Variants in TENM2 observed in about 807,000 individuals in gnomAD.
TENM2 encodes the protein teneurin-2.
In TENM2, 52 loss-of-function variants were observed where a neutral mutation model predicts 245.2. That is an observed-to-expected ratio of 0.21 (90% CI 0.17 to 0.27). TENM2 has a LOEUF of 0.27. TENM2 is among the 10% of genes least tolerant of loss of function. The pLI is 1.00. For missense variants in TENM2, 3,046 were observed against 3,666.8 expected (o/e 0.83, Z 4.37); for synonymous variants, 1,363 against 1,438.9 (o/e 0.95, Z 1.19).
At chr5:167,114,226 T>C in the TENM2 span, among the ~76,000 whole-genome samples, 2 of 152,214 alleles carry the variant, frequency 1.3e-5, no homozygotes, top group Non-Finnish European at 2.9e-5. Context: ...AGTATATATA[T>C]AGTATTGAAC....
chr5:167,892,537 G>T (rs1294356362), intron 3 of TENM2, among the ~76,000 whole-genome samples: 2 of 152,170 alleles, frequency 1.3e-5, no homozygotes, highest in Non-Finnish European at 2.9e-5. Flanking sequence ...GAATGGCATG[G>T]CATATGCCAT....
intron 2 of TENM2, among the ~76,000 whole-genome samples, chr5:167,756,219 A>G (rs1290809197): frequency 1.3e-5 from 2 of 152,066 alleles, no homozygotes; most frequent in African/African-American, 2.4e-5. Flanking sequence ...TCCATGTTGT[A>G]TGATATATAT....
intron 2 of TENM2, among the ~76,000 whole-genome samples, chr5:167,469,240 T>C (rs1185132584): frequency 6.6e-6 from 1 of 152,158 alleles, no homozygotes; most frequent in Non-Finnish European, 1.5e-5. Flanking sequence ...TTTTCATGTC[T>C]ATGTAATTAG....
intron 2 of TENM2, among the ~76,000 whole-genome samples, chr5:167,751,392 A>AGATGGCAT (rs1761950404): frequency 6.6e-6 from 1 of 152,238 alleles, no homozygotes; most frequent in Admixed American, 6.5e-5. Context: ...TCACACTGCA[A>AGATGGCAT]GATGGCATGA....
At chr5:167,744,780 T>C (rs1027580523) in intron 2 of TENM2, among the ~76,000 whole-genome samples, 5 of 151,974 alleles carry the variant, frequency 3.3e-5, no homozygotes, top group Non-Finnish European at 7.3e-5. Context: ...GACACTGTTC[T>C]TTCTTTCTGT....
intron 2 of TENM2, among the ~76,000 whole-genome samples, chr5:167,632,739 C>T (rs279392): frequency 0.77 from 116,848 of 151,964 alleles, 45,517 homozygotes; most frequent in Middle Eastern, 0.87. Flanking sequence ...CAGCACAGTA[C>T]CTGGCACAAA....
intron 3 of TENM2, among the ~76,000 whole-genome samples, chr5:167,942,473 G>T (rs1779261854): frequency 6.6e-6 from 1 of 152,094 alleles, no homozygotes; most frequent in Admixed American, 6.5e-5. Context: ...GACTGAAAAG[G>T]CCCTAGAAAT....
At chr5:167,450,975 AT>A (rs536546429) in intron 2 of TENM2, among the ~76,000 whole-genome samples, 72 of 152,204 alleles carry the variant, frequency 4.7e-4, no homozygotes, top group South Asian at 3.5e-3. Context: ...ACAGTCTCTT[AT>A]TTTTTTATCA....
intron 6 of TENM2, among the ~76,000 whole-genome samples, chr5:168,059,763 C>T (rs985625221): frequency 6.6e-6 from 1 of 152,122 alleles, no homozygotes; most frequent in Non-Finnish European, 1.5e-5. Context: ...TCCCCCTGGA[C>T]ATGCCATTGT....
chr5:167,053,600 G>A, the TENM2 span, among the ~76,000 whole-genome samples: 4 of 152,122 alleles, frequency 2.6e-5, no homozygotes, highest in Non-Finnish European at 5.9e-5. Flanking sequence ...GCTGGGCAGA[G>A]TGGAGCATGC....
intron 2 of TENM2, among the ~76,000 whole-genome samples, chr5:167,718,176 T>C (rs1759392182): frequency 6.6e-6 from 1 of 152,190 alleles, no homozygotes; most frequent in Admixed American, 6.5e-5. Flanking sequence ...GCTCGGGGGA[T>C]CTATCACCCA....
Position 167,704,201 on chromosome 5 carries a change from G to T in TENM2, c.503-171785G>T, listed in dbSNP as rs183510332. 2.4e-3 allele frequency among the ~76,000 whole-genome samples: 358 copies of T among 152,218 alleles called. 2 individuals carry two copies. Among genetic ancestry groups the T allele is most frequent in the Middle Eastern group, 3.4e-3 (1 of 294 alleles). On this transcript the variant is annotated intron_variant, in intron 2 of 28. Transcript: ENST00000518659. ...ATTGAGAGGTAGCTGGAGGGAGGAT[G>T]CATCTTCTCCACTTACCTTCATGAG...
At chr5:167,139,493 A>C in the TENM2 span, among the ~76,000 whole-genome samples, 1 of 152,256 alleles carries the variant, frequency 6.6e-6, no homozygotes, top group East Asian at 1.9e-4. Flanking sequence ...TAAAACTCTA[A>C]ACTGCAAACA....
chr5:167,070,133 T>TTTATTTATTTATTTATTTATTTA, the TENM2 span, among the ~76,000 whole-genome samples: 8,837 of 147,744 alleles, frequency 0.06, 437 homozygotes, highest in African/African-American at 0.1. Flanking sequence ...TTATTTATTT[T>TTTATTTATTTATTTATTTATTTA]TTGAGACAGA....
At chr5:167,134,362 T>A in the TENM2 span, among the ~76,000 whole-genome samples, 2 of 152,232 alleles carry the variant, frequency 1.3e-5, no homozygotes, top group Admixed American at 1.3e-4. Flanking sequence ...TTGATTTTTT[T>A]GGCGTGTGTG....
At chr5:167,964,597 C>T (rs1220999134) in intron 4 of TENM2, among the ~76,000 whole-genome samples, 1 of 152,182 alleles carries the variant, frequency 6.6e-6, no homozygotes, top group Non-Finnish European at 1.5e-5. Flanking sequence ...AGAACATAAA[C>T]AAATGTCCCT....
intron 1 of TENM2, among the ~76,000 whole-genome samples, chr5:167,285,645 T>C (rs538913341): frequency 6.6e-6 from 1 of 152,368 alleles, no homozygotes; most frequent in East Asian, 1.9e-4. Flanking sequence ...TAAAGAGTTC[T>C]GTTATCACTT....
chr5:167,172,094 T>C, the TENM2 span, among the ~76,000 whole-genome samples: 2 of 152,102 alleles, frequency 1.3e-5, no homozygotes, highest in African/African-American at 4.8e-5. Flanking sequence ...CATCGTGTCT[T>C]CTCCAAACAG....
intron 2 of TENM2, among the ~76,000 whole-genome samples, chr5:167,440,230 A>G (rs1341152638): frequency 1.3e-5 from 2 of 152,220 alleles, no homozygotes; most frequent in African/African-American, 4.8e-5. Context: ...ATGTAATGAA[A>G]ATAAATGTTT....
Sources: gnomAD v4.1 joint callset for allele counts (sites outside exome capture counted in the v4.1 genomes callset) on GRCh38, gnomAD v4.1.1 for gene constraint, MANE v1.5 for transcripts, NCBI Gene and HGNC (gene_info 2026-07-23, HGNC 2026-07-21) for gene names.